NLRP7: variants seen among roughly 807,000 people sequenced by gnomAD.
NLRP7 encodes NACHT, LRR and PYD domains-containing protein 7.
In NLRP7, 72 loss-of-function variants were observed where a neutral mutation model predicts 85.5. The ratio of observed to expected loss-of-function variants is 0.84; its 90% CI spans 0.70 to 1.02. The LOEUF (loss-of-function observed/expected upper bound fraction) is 1.02, where lower values mean the gene tolerates loss of function less well. Among genes scored for constraint, NLRP7 ranks in the 50% least tolerant of loss-of-function variants. NLRP7 has a pLI of 0.00. For missense variants in NLRP7, 1,243 were observed against 1,219.5 expected (o/e 1.02, Z -0.29); for synonymous variants, 550 against 505.2 (o/e 1.09, Z -1.19).
Position 54,934,530 on chromosome 19 carries a change from G to T in NLRP7, c.2430C>A (p.Tyr810Ter). 1 of 1,614,170 alleles carries T rather than the reference G, an allele frequency of 6.2e-7. No homozygotes were observed. Among genetic ancestry groups the T allele is most frequent in the Non-Finnish European group, 8.5e-7 (1 of 1,180,022 alleles). ...AGTGTTTTGGGCGTGTCATGGTCTTGTACAGCAACATGGCACCCTCATCCA... is the reference window on the plus strand; with the variant it reads ...AGTGTTTTGGGCGTGTCATGGTCTTTTACAGCAACATGGCACCCTCATCCA... The change falls in exon 7 of 10, where the codon TAC (tyrosine) becomes TAA (stop). Residue 810 changes from tyrosine to a stop codon, truncating the protein, a stop_gained. Transcript: ENST00000340844. LOFTEE classifies it high-confidence loss of function. The surrounding 1 kb of genome is among the most constrained non-coding windows in gnomAD (Gnocchi z 6.7).
chr19:54,924,414 G>A (rs75030654), intron 9 of NLRP7, among the ~76,000 whole-genome samples: 2,100 of 152,216 alleles, frequency 0.014, 97 homozygotes, highest in East Asian at 0.11. Flanking sequence ...CTTGAGCTCC[G>A]CAGTTCAAGG....
At chr19:54,948,631 T>C (rs2069571895), upstream of NLRP7, among the ~76,000 whole-genome samples, 1 of 152,046 alleles carries the variant, frequency 6.6e-6, no homozygotes, top group Admixed American at 6.6e-5. Context: ...AGTGCAGTGG[T>C]GCAATCTCCA....
At chr19:54,942,756 G>A (rs570295888) in intron 1 of NLRP7, among the ~76,000 whole-genome samples, 45 of 152,154 alleles carry the variant, frequency 3.0e-4, no homozygotes, top group African/African-American at 1.1e-3. Context: ...TACAAACCAA[G>A]ACTTCCTCGC....
chr19:54,955,700 T>G (rs1447945581), intron 1 of NLRP7, among the ~76,000 whole-genome samples: 1 of 151,836 alleles, frequency 6.6e-6, no homozygotes, highest in Non-Finnish European at 1.5e-5. Flanking sequence ...GGCAGGAGAA[T>G]GACGTGAATC....
intron 9 of NLRP7, among the ~76,000 whole-genome samples, chr19:54,928,988 C>A (rs974036515): frequency 6.6e-6 from 1 of 152,014 alleles, no homozygotes; most frequent in East Asian, 1.9e-4. Flanking sequence ...GTAATCCACC[C>A]GTTTGCATTG....
upstream of NLRP7, among the ~76,000 whole-genome samples, chr19:54,948,037 T>C (rs1037334521): frequency 3.3e-5 from 5 of 152,190 alleles, no homozygotes; most frequent in Admixed American, 2.0e-4. Context: ...AGGAGTTTGA[T>C]ACCAGCCTAG....
At chr19:54,939,291 G>C (rs1408272590) in exon 4 of NLRP7, 2 of 1,614,112 alleles carry the variant, frequency 1.2e-6, no homozygotes, top group Non-Finnish European at 1.7e-6. Context: ...GGGTTCTTGA[G>C]TCTTTCTTCT....
intron 4 of NLRP7, 145 bp downstream of exon 4, chr19:54,938,743 A>G: frequency 1.1e-6 from 1 of 925,792 alleles, no homozygotes; most frequent in Non-Finnish European, 1.7e-6. Context: ...AAAAGCCCCA[A>G]TTCCTAATTG....
intron 9 of NLRP7, 139 bp from the exon 11 acceptor site, chr19:54,924,011 A>G (rs1056900049): frequency 1.1e-6 from 1 of 907,278 alleles, no homozygotes; most frequent in South Asian, 1.4e-5. Flanking sequence ...TCTGTTGCCC[A>G]GGCTGGGGTA....
intron 9 of NLRP7, among the ~76,000 whole-genome samples, chr19:54,929,483 T>C (rs1303616603): frequency 2.0e-5 from 3 of 152,128 alleles, no homozygotes; most frequent in African/African-American, 7.2e-5. Context: ...AGTTGGAAAA[T>C]AGGTTGCATC....
At chr19:54,930,474 AAAG>A (rs768507445) in intron 9 of NLRP7, 22 bp downstream of exon 9, 3 of 1,545,452 alleles carry the variant, frequency 1.9e-6, no homozygotes, top group Non-Finnish European at 2.7e-6. Flanking sequence ...AAAAAGAAAG[AAAG>A]AAGAAAAAGA....
At chr19:54,925,586 G>A (rs1045146305) in intron 9 of NLRP7, among the ~76,000 whole-genome samples, 4 of 152,092 alleles carry the variant, frequency 2.6e-5, no homozygotes, top group Admixed American at 2.0e-4. Context: ...CAGGAGGATC[G>A]TTTGAAGCCA....
intron 1 of NLRP7, among the ~76,000 whole-genome samples, chr19:54,962,850 C>G (rs775848): frequency 2.0e-5 from 3 of 150,104 alleles, no homozygotes; most frequent in Non-Finnish European, 4.4e-5. Context: ...CCGCCCGCCT[C>G]GGCCTCCCAA....
chr19:54,932,623 A>G (rs760100272), intron 8 of NLRP7, among the ~76,000 whole-genome samples: 2 of 151,958 alleles, frequency 1.3e-5, no homozygotes, highest in East Asian at 1.9e-4. Context: ...CCTGCCACCT[A>G]TGTCTTTTAC....
At position 54,933,555 on chromosome 19, in the gene NLRP7, C is replaced by CA; in HGVS notation, c.2642+13dup. 1 of 1,613,972 alleles carries CA rather than the reference C, an allele frequency of 6.2e-7. No individual in the cohort carries two copies. Among genetic ancestry groups the CA allele is most frequent in the Non-Finnish European group, 8.5e-7 (1 of 1,179,850 alleles). ...ATTCATGTGCACACACACACACACC[C>CA]AGCAGGGACTTACACCAAGGTCTGC... On this transcript the variant is annotated intron_variant, in intron 8 of 9. Transcript: ENST00000340844.
At chr19:54,930,810 G>C in intron 8 of NLRP7, 144 bp from the exon 9 acceptor site, 1 of 717,120 alleles carries the variant, frequency 1.4e-6, no homozygotes, top group Non-Finnish European at 2.5e-6. Flanking sequence ...CTGCCTCCCA[G>C]GTTCAAGCGA....
chr19:54,927,101 C>T (rs1363703613), intron 9 of NLRP7, among the ~76,000 whole-genome samples: 2 of 137,938 alleles, frequency 1.4e-5, no homozygotes, highest in African/African-American at 5.4e-5. Context: ...AAGCAAAAAC[C>T]AAAAAGGCCG....
intron 1 of NLRP7, among the ~76,000 whole-genome samples, chr19:54,956,615 A>C (rs1236381730): frequency 2.7e-5 from 4 of 150,188 alleles, no homozygotes; most frequent in Non-Finnish European, 4.4e-5. Flanking sequence ...AATCACTTGA[A>C]CCCGGGAGGC....
chr19:54,946,159 G>A (rs886825592), intron 1 of NLRP7, among the ~76,000 whole-genome samples: 14 of 151,374 alleles, frequency 9.2e-5, no homozygotes, highest in African/African-American at 2.7e-4. Flanking sequence ...CACCCGCCTC[G>A]GCCTCCCAAA....
Sources: allele counts gnomAD v4.1 joint callset (sites outside exome capture counted in the v4.1 genomes callset), GRCh38; gene constraint gnomAD v4.1.1; non-coding constraint Gnocchi (gnomAD v3.1); transcripts MANE v1.5; gene names NCBI Gene and HGNC (gene_info 2026-07-23, HGNC 2026-07-21).